Variants in CCNK observed in about 807,000 individuals in gnomAD.
The protein encoded by CCNK is cyclin K.
Under a neutral mutation model 65.0 loss-of-function variants are expected in CCNK, and 9 were observed. The ratio of observed to expected loss-of-function variants is 0.14; its 90% CI spans 0.08 to 0.24. The LOEUF (loss-of-function observed/expected upper bound fraction) is 0.24. CCNK is among the 10% of genes least tolerant of loss of function. CCNK has a pLI of 1.00. For synonymous variants in CCNK, 279 were observed against 270.8 expected, an observed-to-expected ratio of 1.03 and a Z score of -0.30; for missense variants, 474 against 720.0, an observed-to-expected ratio of 0.66 and a Z score of 3.91.
In CCNK at chr14:99,500,871, G is replaced by A; in HGVS notation, c.517G>A (p.Gly173Ser). ...ACTAAAATATGCAAAGCAACTCAAA[G>A]GTAAGAAGAAAGTTTTCAGAAGAAT... ...FLLKYAKQLK[G>S]DKNKIQKLVQ... Residue 173 changes from glycine (G) to serine (S), a missense_variant and splice_region_variant, in exon 5 of 11, where the codon GGT becomes AGT. Physicochemically the swap from Gly to Ser is moderately conservative, Grantham distance 56. Coordinates refer to ENST00000389879, the MANE Select transcript of CCNK (RefSeq NM_001099402.2). 1 of 1,507,438 alleles carries A rather than the reference G, an allele frequency of 6.6e-7. No homozygotes were observed. The highest frequency in any genetic ancestry group is 2.2e-5 in the Admixed American group (1 of 45,338). 93.4% of individuals were successfully genotyped at this position (1,507,438 alleles called of 1,614,324 possible).
intron 5 of CCNK, 119 bp downstream of exon 5, chr14:99,500,990 G>A (rs944995315): frequency 5.7e-5 from 39 of 686,040 alleles, no homozygotes; most frequent in Admixed American, 5.2e-4. Context: ...GAAATACCAA[G>A]GGCATGGCTT....
In CCNK at chr14:99,510,614, G is replaced by A. The variant is rs1234226815; in HGVS notation, c.1575G>A (p.Pro525=). 13 of 711,946 alleles carry A rather than the reference G, an allele frequency of 1.8e-5. No homozygotes were observed. The highest frequency in any genetic ancestry group is 5.8e-5 in the African/African-American group (2 of 34,258). The allele number at this position is 711,946 out of a possible 1,614,324, so 44.1% of individuals were successfully genotyped here. A position where few individuals can be genotyped will look rare whatever the true frequency, so the allele number is the denominator to read the frequency against. Reference sequence around the variant, plus strand: ...TCCCACCCCCACCCCCACGCCTCCCGCCTACCCACGCAGTCCCCCCTCATC... The same window carrying A: ...TCCCACCCCCACCCCCACGCCTCCCACCTACCCACGCAGTCCCCCCTCATC... ...PNFPPPPPRL[P]PTHAVPPHPP... The change falls in exon 11 of 11, where the codon CCG becomes CCA. Residue 525 remains proline (P), a synonymous_variant. Coordinates refer to ENST00000389879, the MANE Select transcript of CCNK (RefSeq NM_001099402.2).
rs1433868267 is a variant in CCNK, at chr14:99,510,715, C to A, written c.1676C>A (p.Pro559His). 4 of 1,417,312 alleles carry A rather than the reference C, an allele frequency of 2.8e-6. No homozygotes were observed. In the African/African-American group the frequency reaches 6.0e-5, roughly 21 times the overall value. The allele number at this position is 1,417,312 out of a possible 1,614,324, so 87.8% of individuals were successfully genotyped here. Residue 559 changes from proline (P) to histidine (H), a missense_variant, in exon 11 of 11, where the codon CCC becomes CAC. Pro to His is a moderately conservative substitution (Grantham distance 77, BLOSUM62 -2). This residue lies in a region of CCNK where 53 missense variants were observed against 91.4 expected (regional missense o/e 0.58). Transcript: ENST00000389879. ...AVPPGGQPPV[P>H]PPIPPPGMPP... ...CCCCCTGGAGGACAGCCTCCTGTGC[C>A]CCCGCCCATTCCCCCACCCGGCATG...
rs371384996 is a variant in CCNK, at chr14:99,481,609, C to T, written c.-53+130C>T. On this transcript the variant is annotated intron_variant, in intron 1 of 10. Transcript: ENST00000389879. Reference sequence around the variant, plus strand: ...TCCGGATTCTGCCTCCCTCCGCTAACCTCCGGTACACATTGAACTTTGCGG... The same window carrying T: ...TCCGGATTCTGCCTCCCTCCGCTAATCTCCGGTACACATTGAACTTTGCGG... 5.9e-4 allele frequency: 232 copies of T among 394,894 alleles called. 2 individuals are homozygous for T. In the South Asian group the frequency reaches 6.6e-3, roughly 11 times the overall value. 24.5% of individuals were successfully genotyped at this position (394,894 alleles called of 1,614,324 possible). A position where few individuals can be genotyped will look rare whatever the true frequency, so the allele number is the denominator to read the frequency against.
rs370100758 is a variant in CCNK, at chr14:99,494,691, A to G, written c.280-807A>G. The G allele has an allele frequency of 5.2e-5, 8 of 152,416 alleles. No homozygotes were observed. The East Asian group carries it at 5.8e-4, about 11-fold the overall frequency. 9.4% of individuals were successfully genotyped at this position (152,416 alleles called of 1,614,324 possible). A position where few individuals can be genotyped will look rare whatever the true frequency, so the allele number is the denominator to read the frequency against. On this transcript the variant is annotated intron_variant, in intron 3 of 10. Transcript: ENST00000389879. ...TAGGGACTGAGCTAAGGTTGAGGCA[A>G]CTGGAGGGACAGTTTCTTCATCCAT...
At chr14:99,499,611 C>T (rs1896777223) in intron 4 of CCNK, among the ~76,000 whole-genome samples, 1 of 152,204 alleles carries the variant, frequency 6.6e-6, no homozygotes, top group African/African-American at 2.4e-5. Context: ...CCTCCCCGCA[C>T]ACAGTGTCTT....
intron 7 of CCNK, 78 bp downstream of exon 7, chr14:99,502,454 A>G (rs902437046): frequency 3.9e-6 from 6 of 1,531,484 alleles, no homozygotes; most frequent in Admixed American, 2.2e-5. Flanking sequence ...GAGTCCCAAG[A>G]ATGGATTTTC....
chr14:99,503,139 G>A (rs961670997), intron 8 of CCNK, 155 bp downstream of exon 8: 6 of 864,966 alleles, frequency 6.9e-6, no homozygotes, highest in African/African-American at 1.7e-5. Context: ...TGGGGAGCCT[G>A]AAAACAAAGG....
rs1370625652 is a variant in CCNK, at chr14:99,510,839, A to G, written c.*57A>G. 6.0e-6 allele frequency: 8 copies of G among 1,341,932 alleles called. No individual in the cohort carries two copies. The highest frequency in any genetic ancestry group is 1.5e-5 in the African/African-American group (1 of 66,422). The allele number at this position is 1,341,932 out of a possible 1,614,324, so 83.1% of individuals were successfully genotyped here. On this transcript the variant is annotated 3_prime_UTR_variant, in exon 11 of 11. Coordinates refer to ENST00000389879, the MANE Select transcript of CCNK (RefSeq NM_001099402.2). ...ACAAGATTTTCTAATCGACTTGCAGAGTAGTTGAAGTGGGTAAGCAGCAGG... is the reference window on the plus strand; with the variant it reads ...ACAAGATTTTCTAATCGACTTGCAGGGTAGTTGAAGTGGGTAAGCAGCAGG...
chr14:99,494,294 AG>A (rs1896655071), intron 3 of CCNK: 1 of 152,242 alleles, frequency 6.6e-6, no homozygotes, highest in East Asian at 1.9e-4. Flanking sequence ...TTTGGCAGGA[AG>A]GAAATGATGA....
intron 2 of CCNK, among the ~76,000 whole-genome samples, 181 bp from the exon 3 acceptor site, chr14:99,493,333 G>A (rs962764763): frequency 6.6e-6 from 1 of 152,078 alleles, no homozygotes; most frequent in African/African-American, 2.4e-5. Context: ...TAAAACTTCA[G>A]CTTGCTAATT....
intron 6 of CCNK, 117 bp downstream of exon 6, chr14:99,501,530 A>G: frequency 1.4e-6 from 1 of 725,346 alleles, no homozygotes; most frequent in Non-Finnish European, 2.3e-6. Flanking sequence ...CCCTGGCTTG[A>G]GGAGCCAGTT....
At chr14:99,498,027 T>C (rs1000090247) in intron 4 of CCNK, among the ~76,000 whole-genome samples, 4 of 152,214 alleles carry the variant, frequency 2.6e-5, no homozygotes, top group African/African-American at 9.6e-5. Context: ...AGGAACATGC[T>C]GTGGTTCAGT....
intron 3 of CCNK, among the ~76,000 whole-genome samples, 192 bp downstream of exon 3, chr14:99,493,787 CTT>C (rs2139859264): frequency 6.6e-6 from 1 of 152,238 alleles, no homozygotes; most frequent in African/African-American, 2.4e-5. Flanking sequence ...AATCTTTTCA[CTT>C]AGGCCAATAT....
intron 10 of CCNK, chr14:99,508,260 G>A (rs1044084327): frequency 5.3e-5 from 8 of 152,260 alleles, no homozygotes; most frequent in Admixed American, 1.3e-4. Context: ...AATGCCTGTG[G>A]TTGCTCATGA....
Position 99,510,882 on chromosome 14 carries a change from C to T in CCNK, c.*100C>T, listed in dbSNP as rs539655114. ...GCAGCAGGGTACCTTGTATAATGCA[C>T]GACAGTTGCAGTATGGGAAGAATGG... On this transcript the variant is annotated 3_prime_UTR_variant, in exon 11 of 11. Transcript: ENST00000389879. The T allele has an allele frequency of 3.3e-4, 345 of 1,035,836 alleles. 2 individuals carry two copies. The highest frequency in any genetic ancestry group is 2.3e-4 in the Admixed American group (6 of 26,616). The allele number at this position is 1,035,836 out of a possible 1,614,324, so 64.2% of individuals were successfully genotyped here.
At chr14:99,502,437 G>A in intron 7 of CCNK, 61 bp downstream of exon 7, 2 of 1,563,578 alleles carry the variant, frequency 1.3e-6, no homozygotes, top group Non-Finnish European at 8.6e-7. Context: ...TCTTCCATGT[G>A]TACCCTGAGT....
intron 8 of CCNK, 155 bp downstream of exon 8, chr14:99,503,139 G>T (rs961670997): frequency 1.2e-6 from 1 of 864,966 alleles, no homozygotes; most frequent in Non-Finnish European, 1.9e-6. Flanking sequence ...TGGGGAGCCT[G>T]AAAACAAAGG....
chr14:99,495,132 G>A (rs981716783), intron 3 of CCNK: 2 of 175,046 alleles, frequency 1.1e-5, no homozygotes, highest in Non-Finnish European at 1.2e-5. Context: ...TGGATTCCGC[G>A]GGACTGTGTT....
Sources: allele counts gnomAD v4.1 joint callset (sites outside exome capture counted in the v4.1 genomes callset), GRCh38; gene constraint gnomAD v4.1.1; regional missense constraint gnomAD v4.1.1; transcripts MANE v1.5; gene names NCBI Gene and HGNC (gene_info 2026-07-23, HGNC 2026-07-21).